HERC1: variants seen among roughly 807,000 people sequenced by gnomAD.
HERC1 encodes the protein probable E3 ubiquitin-protein ligase HERC1.
In HERC1, 160 loss-of-function variants were observed where a neutral mutation model predicts 554.3. That is an observed-to-expected ratio of 0.29 (90% confidence interval 0.25 to 0.33). HERC1 has a LOEUF of 0.33. Ranked by LOEUF, HERC1 falls within the 10% of genes least tolerant of loss-of-function variation. The probability of loss-of-function intolerance (pLI) is 1.00; values close to 1 mark genes in which losing one functional copy is unlikely to be tolerated. For missense variants in HERC1, 4,919 were observed against 5,918.5 expected, an observed-to-expected ratio of 0.83 and a Z score of 5.54; for synonymous variants, 2,175 against 2,131.7, an observed-to-expected ratio of 1.02 and a Z score of -0.56.
intron 34 of HERC1, among the ~76,000 whole-genome samples, chr15:63,684,734 G>A (rs1001144605): frequency 7.9e-5 from 12 of 152,148 alleles, no homozygotes; most frequent in East Asian, 7.7e-4. Context: ...TGGGCCAGGC[G>A]CGGTGGCTCA....
intron 2 of HERC1, among the ~76,000 whole-genome samples, chr15:63,765,592 A>G (rs886692963): frequency 6.6e-6 from 1 of 151,746 alleles, no homozygotes; most frequent in Non-Finnish European, 1.5e-5. Flanking sequence ...CTCTCCCACA[A>G]CTCCTTATTG....
In HERC1 at chr15:63,724,742, G is replaced by C. The variant is rs1421477125; in HGVS notation, c.3568+550C>G. 2.0e-5 allele frequency among the ~76,000 whole-genome samples: 3 copies of C among 152,184 alleles called. No homozygotes were observed. The East Asian group carries it at 5.8e-4, about 29-fold the overall frequency. ...CTGGATTATCTGGGGTACCAGATAAGTCTTCATGTTCAGTCTAGGAACTAG... is the reference window on the plus strand; with the variant it reads ...CTGGATTATCTGGGGTACCAGATAACTCTTCATGTTCAGTCTAGGAACTAG... On this transcript the variant is annotated intron_variant, in intron 18 of 77. Coordinates refer to ENST00000443617, the MANE Select transcript of HERC1 (RefSeq NM_003922.4).
At chr15:63,633,578 C>T (rs2068658157) in intron 67 of HERC1, among the ~76,000 whole-genome samples, 1 of 152,142 alleles carries the variant, frequency 6.6e-6, no homozygotes, top group African/African-American at 2.4e-5. Context: ...CTATTTCTTC[C>T]CTACATCAGA....
At chr15:63,826,980 C>T (rs1416514009) in intron 1 of HERC1, among the ~76,000 whole-genome samples, 1 of 151,536 alleles carries the variant, frequency 6.6e-6, no homozygotes, top group Non-Finnish European at 1.5e-5. Context: ...AACCAGCAAT[C>T]ACACTTACAG....
At chr15:63,789,564 G>A (rs1045249337) in intron 1 of HERC1, among the ~76,000 whole-genome samples, 7 of 151,684 alleles carry the variant, frequency 4.6e-5, no homozygotes, top group East Asian at 2.0e-4. Flanking sequence ...TCGGAAAGCC[G>A]AGGCAGGCAG....
chr15:63,748,734 G>A (rs1248922295), intron 10 of HERC1, among the ~76,000 whole-genome samples: 1 of 152,120 alleles, frequency 6.6e-6, no homozygotes, highest in East Asian at 1.9e-4. Context: ...TTAAAACCCT[G>A]AGTCAAAGGC....
At position 63,727,570 on chromosome 15, in the gene HERC1, G is replaced by A. The variant is rs2074091728; in HGVS notation, c.3346+77C>T. ...AGCCTTAGGATAGATAGACTCCAAT[G>A]GAAAAACACAGTGATGTGTGCAAGA... On this transcript the variant is annotated intron_variant, in intron 17 of 77. Coordinates refer to ENST00000443617, the MANE Select transcript of HERC1 (RefSeq NM_003922.4). The surrounding 1 kb of genome is among the most constrained non-coding windows in gnomAD (Gnocchi z 4.3). 14 of 1,041,536 alleles carry A rather than the reference G, an allele frequency of 1.3e-5. No homozygotes were observed. In the South Asian group the frequency reaches 2.3e-4, roughly 17 times the overall value. The allele number at this position is 1,041,536 out of a possible 1,614,324, so 64.5% of individuals were successfully genotyped here.
intron 57 of HERC1, among the ~76,000 whole-genome samples, chr15:63,644,267 A>G (rs2069213507): frequency 6.6e-6 from 1 of 152,248 alleles, no homozygotes; most frequent in Non-Finnish European, 1.5e-5. Flanking sequence ...CATGAGCAAA[A>G]GGAAGGCAAC....
chr15:63,777,893 T>C (rs560583578), intron 1 of HERC1, among the ~76,000 whole-genome samples: 3 of 152,182 alleles, frequency 2.0e-5, no homozygotes, highest in South Asian at 2.1e-4. Context: ...TCTACATTCA[T>C]CTGGAAGTTT....
At chr15:63,619,517 A>T (rs984078648) in intron 74 of HERC1, among the ~76,000 whole-genome samples, 4 of 152,150 alleles carry the variant, frequency 2.6e-5, no homozygotes, top group African/African-American at 4.8e-5. Context: ...TCCTAAAATG[A>T]GTTAGGGAGG....
chr15:63,755,210 C>T lies in HERC1; in HGVS notation c.1630+19G>A, dbSNP rs756684968. 29 of 1,541,756 alleles carry T rather than the reference C, an allele frequency of 1.9e-5. No homozygotes were observed. The highest frequency in any genetic ancestry group is 2.2e-5 in the Non-Finnish European group (25 of 1,115,528). On this transcript the variant is annotated intron_variant, in intron 6 of 77. Transcript: ENST00000443617. The stretch of plus-strand genomic sequence containing the variant: ...TCTAATTTTCTAGAAGAATAACTTA[C>T]ATTTTTAAAAAATCTTACCTAATCT...
chr15:63,790,375 G>C (rs188939538), intron 1 of HERC1, among the ~76,000 whole-genome samples: 1 of 152,044 alleles, frequency 6.6e-6, no homozygotes, highest in Admixed American at 6.6e-5. Flanking sequence ...TCAGGAGATC[G>C]AGACCAACCT....
chr15:63,611,424 A>G (rs775062030), intron 77 of HERC1, among the ~76,000 whole-genome samples: 2 of 152,210 alleles, frequency 1.3e-5, no homozygotes, highest in Non-Finnish European at 2.9e-5. Context: ...TTCCTAAGCC[A>G]TCTGTCAAAA....
chr15:63,669,900 T>G (rs970245697), intron 39 of HERC1, among the ~76,000 whole-genome samples: 1 of 152,192 alleles, frequency 6.6e-6, no homozygotes, highest in African/African-American at 2.4e-5. Context: ...TAAAACCTTA[T>G]GATTCTTTCA....
intron 1 of HERC1, among the ~76,000 whole-genome samples, chr15:63,821,930 A>G (rs138313726): frequency 1.9e-4 from 29 of 152,216 alleles, no homozygotes; most frequent in African/African-American, 6.7e-4. Context: ...GTAGGCAAGT[A>G]ATTCTATTTC....
rs756604573 is a variant in HERC1 at position 63,718,732 on chromosome 15, C to G, written c.3858-38G>C. 4 of 1,601,950 alleles carry G rather than the reference C, an allele frequency of 2.5e-6. No homozygotes were observed. Among genetic ancestry groups the G allele is most frequent in the Non-Finnish European group, 3.4e-6 (4 of 1,170,548 alleles). ...CCAAAATAGAAAAGTTACCTAATTT[C>G]TGACATCATGAGAGCAAATATTTGT... On this transcript the variant is annotated intron_variant, in intron 20 of 77. Coordinates refer to ENST00000443617, the MANE Select transcript of HERC1 (RefSeq NM_003922.4). This position sits in a 1 kb window ranked among gnomAD's most constrained non-coding sequence, Gnocchi z 4.2.
At chr15:63,622,481 T>C (rs968037189) in intron 74 of HERC1, among the ~76,000 whole-genome samples, 1 of 151,982 alleles carries the variant, frequency 6.6e-6, no homozygotes, top group African/African-American at 2.4e-5. Flanking sequence ...TACAGGCATG[T>C]GCCACCATGA....
rs758546456 is a variant in HERC1, at chr15:63,655,768, T to C, written c.10058A>G (p.Tyr3353Cys). 3.8e-5 allele frequency: 59 copies of C among 1,563,998 alleles called. No homozygotes were observed. The highest frequency in any genetic ancestry group is 3.0e-4 in the South Asian group (26 of 85,266). The stretch of plus-strand genomic sequence containing the variant: ...TTTCTTTTCAACTTCTGACTTATCA[T>C]AGTTAGGTCTTAGTTTGGCCCCTTT... ...ADKGAKLRPN[Y>C]DKSEVEKKGP... Residue 3353 changes from tyrosine to cysteine, a missense_variant, in exon 50 of 78, where the codon TAT (tyrosine) becomes TGT (cysteine). By Grantham distance (194) the Tyr-to-Cys change is radical (BLOSUM62 -2). This residue lies in a region of HERC1 where 1,963 missense variants were observed against 2,228.6 expected (regional missense o/e 0.88). Transcript: ENST00000443617.
chr15:63,642,931 A>G (rs760441820), intron 59 of HERC1, 26 bp downstream of exon 59: 1 of 1,318,948 alleles, frequency 7.6e-7, no homozygotes, highest in Non-Finnish European at 1.1e-6. Context: ...CTTACACCCT[A>G]TCATTTGATA....
Sources: allele counts gnomAD v4.1 joint callset (sites outside exome capture counted in the v4.1 genomes callset), GRCh38; gene constraint gnomAD v4.1.1; regional missense constraint gnomAD v4.1.1; non-coding constraint Gnocchi (gnomAD v3.1); transcripts MANE v1.5; gene names NCBI Gene and HGNC (gene_info 2026-07-23, HGNC 2026-07-21).